FAAH2: variants seen among roughly 807,000 people sequenced by gnomAD.
FAAH2 encodes the protein fatty acid amide hydrolase 2.
In FAAH2, 60 loss-of-function variants were observed where a neutral mutation model predicts 36.9. The observed-to-expected ratio is 1.63, with a 90% CI of 1.32 to 2.02. The LOEUF (loss-of-function observed/expected upper bound fraction) is 2.02. Among genes scored for constraint, FAAH2 ranks in the 30% most tolerant of loss-of-function variants. The pLI is 0.00. For missense variants in FAAH2, 689 were observed against 397.5 expected, an observed-to-expected ratio of 1.73 and a Z score of -6.23; for synonymous variants, 214 against 143.8, an observed-to-expected ratio of 1.49 and a Z score of -3.49.
chrX:57,149,495 TG>T, the FAAH2 span, among the ~76,000 whole-genome samples: 1 of 111,739 alleles, frequency 8.9e-6, no homozygotes, highest in South Asian at 3.7e-4. Context: ...GGAGGGTGTA[TG>T]TGTCGAGGAA....
chrX:57,360,111 T>G (rs2054253330), intron 5 of FAAH2, among the ~76,000 whole-genome samples: 1 of 110,381 alleles, frequency 9.1e-6, no homozygotes, highest in Non-Finnish European at 1.9e-5. Context: ...ACCTATAAGA[T>G]TCTCTCTTTA....
chrX:57,292,801 G>A (rs1363788221), intron 2 of FAAH2, among the ~76,000 whole-genome samples: 4 of 111,556 alleles, frequency 3.6e-5, no homozygotes, highest in African/African-American at 1.3e-4. Context: ...GATCCTTGAT[G>A]GCAAGGACTA....
intron 3 of FAAH2, among the ~76,000 whole-genome samples, chrX:57,316,444 A>G (rs1032459757): frequency 2.7e-5 from 3 of 111,609 alleles, no homozygotes; most frequent in Non-Finnish European, 5.7e-5. Context: ...AAATAGAAGC[A>G]GAGATATCAC....
chrX:57,301,574 G>A (rs765696583), intron 2 of FAAH2, among the ~76,000 whole-genome samples: 12 of 103,201 alleles, frequency 1.2e-4, no homozygotes, highest in Non-Finnish European at 2.4e-4. Context: ...TAACAAACCT[G>A]CACGTTGTGC....
intron 7 of FAAH2, among the ~76,000 whole-genome samples, chrX:57,389,288 A>ACG (rs200364784): frequency 0.51 from 31,113 of 60,646 alleles, 4,306 homozygotes; most frequent in Middle Eastern, 0.73. Flanking sequence ...CTACACACAC[A>ACG]CACACATATA....
chrX:57,473,891 T>G (rs2057215103), intron 10 of FAAH2, among the ~76,000 whole-genome samples: 1 of 111,529 alleles, frequency 9.0e-6, no homozygotes, highest in Admixed American at 9.6e-5. Flanking sequence ...TTACTTTGAG[T>G]CTCATTGTGC....
chrX:57,206,961 AGTGGCCATCATT>A, the FAAH2 span, among the ~76,000 whole-genome samples: 2 of 111,647 alleles, frequency 1.8e-5, no homozygotes, highest in African/African-American at 6.5e-5. Context: ...CTCTTTACTC[AGTGGCCATCATT>A]CTATGCAAAT....
chrX:57,362,614 C>G (rs1392341010), intron 5 of FAAH2, among the ~76,000 whole-genome samples: 1 of 111,637 alleles, frequency 9.0e-6, no homozygotes, highest in African/African-American at 3.3e-5. Flanking sequence ...TTATGTCCTA[C>G]TTGTCAAATT....
At chrX:57,267,609 G>C in the FAAH2 span, among the ~76,000 whole-genome samples, 2 of 111,940 alleles carry the variant, frequency 1.8e-5, no homozygotes, top group Non-Finnish European at 3.8e-5. Context: ...GCATCCAGTA[G>C]CACTTTGCTG....
intron 8 of FAAH2, among the ~76,000 whole-genome samples, chrX:57,442,437 C>T (rs2056580376): frequency 9.0e-6 from 1 of 110,663 alleles, no homozygotes; most frequent in African/African-American, 3.3e-5. Flanking sequence ...GCAACCTCTG[C>T]TTTTTTTTGT....
chrX:57,454,594 A>G (rs1379412796), intron 10 of FAAH2, among the ~76,000 whole-genome samples: 1 of 111,930 alleles, frequency 8.9e-6, no homozygotes, highest in African/African-American at 3.2e-5. Context: ...TAAAATATCC[A>G]TTTTAAGAAA....
intron 4 of FAAH2, 36 bp from the exon 5 acceptor site, chrX:57,341,235 G>C (rs780615206): frequency 5.1e-6 from 6 of 1,179,982 alleles, no homozygotes; most frequent in Non-Finnish European, 6.8e-6. Flanking sequence ...TAGTATATTA[G>C]ATTATTTATT....
At chrX:57,334,432 A>G (rs1424311246) in intron 4 of FAAH2, among the ~76,000 whole-genome samples, 1 of 111,200 alleles carries the variant, frequency 9.0e-6, no homozygotes, top group Non-Finnish European at 1.9e-5. Context: ...ATTTGTTACC[A>G]GTAGAGCAAC....
chrX:57,444,702 C>A (rs1233684369), intron 8 of FAAH2, among the ~76,000 whole-genome samples: 1 of 111,521 alleles, frequency 9.0e-6, no homozygotes. Context: ...TGGAGCTGTT[C>A]CTATTCAGCC....
the FAAH2 span, among the ~76,000 whole-genome samples, chrX:57,190,913 C>T: frequency 2.7e-5 from 3 of 111,554 alleles, no homozygotes; most frequent in African/African-American, 9.8e-5. Context: ...GTTGCTTCCA[C>T]ATTTTGGCTG....
chrX:57,339,033 C>T (rs1372108746), intron 4 of FAAH2, among the ~76,000 whole-genome samples: 2 of 111,600 alleles, frequency 1.8e-5, no homozygotes, highest in East Asian at 5.6e-4. Flanking sequence ...GCTACAGTAA[C>T]CAAAACAGCA....
intron 7 of FAAH2, among the ~76,000 whole-genome samples, chrX:57,429,073 C>A (rs766822339): frequency 9.0e-6 from 1 of 111,614 alleles, no homozygotes; most frequent in Non-Finnish European, 1.9e-5. Flanking sequence ...CAGTGGCTCA[C>A]GCCTGTAATC....
At chrX:57,393,074 C>T (rs933185581) in intron 7 of FAAH2, 37 of 925,746 alleles carry the variant, frequency 4.0e-5, no homozygotes, top group Non-Finnish European at 5.2e-5. Context: ...TACCCTTGCC[C>T]CCTTCTGCCA....
the FAAH2 span, among the ~76,000 whole-genome samples, chrX:57,168,019 A>G: frequency 8.9e-6 from 1 of 111,845 alleles, no homozygotes; most frequent in South Asian, 3.7e-4. Flanking sequence ...AATGAATTAA[A>G]CTATGAATTG....
Sources: allele counts gnomAD v4.1 joint callset (sites outside exome capture counted in the v4.1 genomes callset), GRCh38; gene constraint gnomAD v4.1.1; transcripts MANE v1.5; gene names NCBI Gene and HGNC (gene_info 2026-07-23, HGNC 2026-07-21).